Variants in SKA2 observed in about 807,000 individuals in gnomAD.
SKA2 encodes the protein spindle and kinetochore associated complex subunit 2, also known as spindle and kinetochore-associated protein 2.
In SKA2, 13 loss-of-function variants were observed where a neutral mutation model predicts 16.9. That is an observed-to-expected ratio of 0.77 (90% CI 0.50 to 1.22). The LOEUF is 1.22. Among genes scored for constraint, SKA2 ranks in the 50% most tolerant of loss-of-function variants. The pLI is 0.00. For missense variants in SKA2, 107 were observed against 139.7 expected (o/e 0.77, Z 1.18); for synonymous variants, 47 against 48.5 (o/e 0.97, Z 0.13).
chr17:59,133,070 T>G (rs925662817), intron 1 of SKA2, among the ~76,000 whole-genome samples: 1 of 152,224 alleles, frequency 6.6e-6, no homozygotes, highest in African/African-American at 2.4e-5. Flanking sequence ...GTCAAACTCC[T>G]GGGCTCGTGG....
intron 2 of SKA2, among the ~76,000 whole-genome samples, chr17:59,128,008 G>C (rs1051722115): frequency 6.6e-6 from 1 of 151,476 alleles, no homozygotes; most frequent in Admixed American, 6.6e-5. Flanking sequence ...ATGAGGTCAG[G>C]AGTTTGAGAC....
chr17:59,131,400 C>T, intron 1 of SKA2, 33 bp from the exon 2 acceptor site: 2 of 1,378,348 alleles, frequency 1.5e-6, no homozygotes, highest in South Asian at 1.5e-5. Flanking sequence ...ATTGTGTAAA[C>T]CAAAAGACTA....
rs1393128972 is a variant in SKA2 at position 59,112,286 on chromosome 17, T to C, written c.357A>G (p.Pro119=). 1 of 1,610,136 alleles carries C rather than the reference T, an allele frequency of 6.2e-7. No homozygotes were observed. Among genetic ancestry groups the C allele is most frequent in the Non-Finnish European group, 8.5e-7 (1 of 1,178,972 alleles). ...TTCCAAGTCCATTTCTTCATAAATCTGGCATGTGAAATTTGAATTGCTCTG... is the reference window on the plus strand; with the variant it reads ...TTCCAAGTCCATTTCTTCATAAATCCGGCATGTGAAATTTGAATTGCTCTG... ...TAAEQFKFHM[P]DL is the part of the protein sequence containing the mutation. Residue 119 remains proline, a synonymous_variant, in exon 4 of 4, where the codon CCA becomes CCG. Coordinates refer to ENST00000330137, the MANE Select transcript of SKA2 (RefSeq NM_182620.4).
At chr17:59,154,136 A>G (rs1599684361) in intron 1 of SKA2, among the ~76,000 whole-genome samples, 1 of 151,224 alleles carries the variant, frequency 6.6e-6, no homozygotes, top group South Asian at 2.1e-4. Flanking sequence ...CGCTTCCTCC[A>G]AAGTCCAGGT....
intron 1 of SKA2, among the ~76,000 whole-genome samples, chr17:59,141,265 C>T (rs889272008): frequency 1.2e-4 from 18 of 152,106 alleles, no homozygotes; most frequent in Admixed American, 1.0e-3. Context: ...GGTATAGTGG[C>T]GTGCGCCTGT....
intron 2 of SKA2, among the ~76,000 whole-genome samples, chr17:59,123,718 G>A (rs2046352995): frequency 6.6e-6 from 1 of 152,068 alleles, no homozygotes; most frequent in Admixed American, 6.6e-5. Context: ...CAGGCCTATA[G>A]TAGGAAATTA....
intron 3 of SKA2, among the ~76,000 whole-genome samples, chr17:59,114,258 A>G (rs2046282577): frequency 6.6e-6 from 1 of 152,212 alleles, no homozygotes; most frequent in South Asian, 2.1e-4. Flanking sequence ...GCACATCGCT[A>G]TGAGGGACAA....
intron 1 of SKA2, among the ~76,000 whole-genome samples, chr17:59,133,010 C>G (rs2046421352): frequency 6.6e-6 from 1 of 152,152 alleles, no homozygotes. Context: ...CAGGGTCTTG[C>G]TCTATAGCCC....
At chr17:59,113,784 C>T (rs565401783) in intron 3 of SKA2, among the ~76,000 whole-genome samples, 23 of 151,632 alleles carry the variant, frequency 1.5e-4, no homozygotes, top group African/African-American at 5.6e-4. Flanking sequence ...CAAGATTACG[C>T]CATTGCACTC....
intron 1 of SKA2, among the ~76,000 whole-genome samples, chr17:59,145,275 T>C (rs1568310992): frequency 6.6e-6 from 1 of 152,208 alleles, no homozygotes; most frequent in Non-Finnish European, 1.5e-5. Flanking sequence ...ATAAACAGTA[T>C]GGTAAGAAAA....
At chr17:59,154,862 A>G in intron 1 of SKA2, 2 of 1,384,922 alleles carry the variant, frequency 1.4e-6, no homozygotes, top group Non-Finnish European at 2.0e-6. Flanking sequence ...AAGGGGTGTA[A>G]AGGTGAGGGC....
chr17:59,151,258 G>C lies in SKA2; in HGVS notation c.33+3873C>G, dbSNP rs543582110. On this transcript the variant is annotated intron_variant, in intron 1 of 3. Coordinates refer to ENST00000330137, the MANE Select transcript of SKA2 (RefSeq NM_182620.4). ...AAGGAACACAAAAGCATCTTGCATC[G>C]GTTGAAGCTTCAGTGAGAAACGAAT... 35 of 477,810 alleles carry C rather than the reference G, an allele frequency of 7.3e-5. 1 individual carries two copies. The highest frequency in any genetic ancestry group is 5.2e-4 in the South Asian group (33 of 63,050). The allele number at this position is 477,810 out of a possible 1,614,324, so 29.6% of individuals were successfully genotyped here.
chr17:59,125,236 C>A (rs1389763031), intron 2 of SKA2, among the ~76,000 whole-genome samples: 1 of 149,728 alleles, frequency 6.7e-6, no homozygotes. Flanking sequence ...GGTGATCCAC[C>A]CGCCTTGGCC....
chr17:59,121,793 C>CAAAAAA (rs758240217), intron 2 of SKA2, among the ~76,000 whole-genome samples: 5 of 81,174 alleles, frequency 6.2e-5, no homozygotes, highest in African/African-American at 1.7e-4. Context: ...TACGAAAATA[C>CAAAAAA]AAAAAAAAAA....
intron 1 of SKA2, among the ~76,000 whole-genome samples, chr17:59,150,650 G>C (rs1157117029): frequency 6.6e-6 from 1 of 152,136 alleles, no homozygotes; most frequent in Non-Finnish European, 1.5e-5. Flanking sequence ...GCTGAGGAGG[G>C]AGGATTATCT....
rs562343492 is a variant in SKA2 at position 59,115,966 on chromosome 17, TTTA to T, written c.297+3350_297+3352del. Among the ~76,000 whole-genome samples the T allele has an allele frequency of 3.9e-4, 59 of 152,332 alleles. 2 individuals carry two copies. The Middle Eastern group carries it at 0.017, about 44-fold the overall frequency. On this transcript the variant is annotated intron_variant, in intron 3 of 3. Transcript: ENST00000330137. ...CTTTTAATGCCTTTTTAATTTTCTA[TTTA>T]TTATTATATATGTTTTGGGCGTTTG...
intron 1 of SKA2, among the ~76,000 whole-genome samples, chr17:59,141,039 C>G (rs922088316): frequency 4.5e-4 from 68 of 152,088 alleles, no homozygotes; most frequent in African/African-American, 1.6e-3. Flanking sequence ...TTAAGCGATC[C>G]TCCCGCCTCT....
chr17:59,139,396 CAAAAAAAA>C (rs113246125), intron 1 of SKA2, among the ~76,000 whole-genome samples: 1 of 50,326 alleles, frequency 2.0e-5, no homozygotes, highest in Admixed American at 1.9e-4. Flanking sequence ...GACTCCGTCT[CAAAAAAAA>C]AAAAAAAAAA....
At chr17:59,145,862 C>T (rs2046528143) in intron 1 of SKA2, among the ~76,000 whole-genome samples, 1 of 151,980 alleles carries the variant, frequency 6.6e-6, no homozygotes, top group African/African-American at 2.4e-5. Context: ...CATGGTGCAA[C>T]ACCTGTGGTG....
Sources: allele counts gnomAD v4.1 joint callset (sites outside exome capture counted in the v4.1 genomes callset), GRCh38; gene constraint gnomAD v4.1.1; transcripts MANE v1.5; gene names NCBI Gene and HGNC (gene_info 2026-07-23, HGNC 2026-07-21).